Variants in CACNB2 observed in about 807,000 individuals in gnomAD.
CACNB2 encodes the protein voltage-dependent L-type calcium channel subunit beta-2.
A neutral mutation model predicts 73.3 loss-of-function variants in CACNB2; 42 were observed. That is an observed-to-expected ratio of 0.57 (90% CI 0.45 to 0.74). The LOEUF (loss-of-function observed/expected upper bound fraction) is 0.74. CACNB2 is among the 30% of genes least tolerant of loss of function. The pLI is 0.00. For synonymous variants in CACNB2, 348 were observed against 310.3 expected (o/e 1.12, Z -1.28); for missense variants, 940 against 853.0 (o/e 1.10, Z -1.27).
intron 2 of CACNB2, among the ~76,000 whole-genome samples, chr10:18,272,036 C>CT (rs969353552): frequency 1.1e-4 from 16 of 150,364 alleles, no homozygotes; most frequent in African/African-American, 2.7e-4. Context: ...TTTCTTTTTT[C>CT]TTTTTTTTTC....
At chr10:18,335,305 T>TA in intron 2 of CACNB2, among the ~76,000 whole-genome samples, 1 of 152,276 alleles carries the variant, frequency 6.6e-6, no homozygotes, top group East Asian at 1.9e-4. Flanking sequence ...CAGGGTGTGA[T>TA]GGCTCACACC....
chr10:18,228,936 T>C (rs2036122297), intron 2 of CACNB2, among the ~76,000 whole-genome samples: 1 of 152,098 alleles, frequency 6.6e-6, no homozygotes, highest in South Asian at 2.1e-4. Context: ...GAGATGGGGT[T>C]TCACCACGTG....
intron 2 of CACNB2, among the ~76,000 whole-genome samples, chr10:18,347,532 G>C (rs974422088): frequency 6.7e-6 from 1 of 149,004 alleles, no homozygotes; most frequent in African/African-American, 2.5e-5. Flanking sequence ...CTTAGTTTTT[G>C]AGCAAGTTGA....
At chr10:18,442,960 ATATATATATG>A (rs2046513908) in intron 3 of CACNB2, among the ~76,000 whole-genome samples, 1 of 30,806 alleles carries the variant, frequency 3.2e-5, no homozygotes, top group Non-Finnish European at 4.7e-5. Flanking sequence ...ATATATATGT[ATATATATATG>A]TGTATATATA....
At chr10:18,237,782 CA>C (rs1782484616) in intron 2 of CACNB2, among the ~76,000 whole-genome samples, 1 of 152,218 alleles carries the variant, frequency 6.6e-6, no homozygotes, top group South Asian at 2.1e-4. Context: ...ATATACCCAA[CA>C]GGGGTAATGG....
In CACNB2 at chr10:18,527,529, C is replaced by G. The variant is rs1299259613; in HGVS notation, c.945-59C>G. 27 of 1,063,976 alleles carry G rather than the reference C, an allele frequency of 2.5e-5. No homozygotes were observed. The Admixed American group carries it at 4.6e-4, about 18-fold the overall frequency. The allele number at this position is 1,063,976 out of a possible 1,614,324, so 65.9% of individuals were successfully genotyped here. ...TTAGATGAATTTGGGGCATACACTT[C>G]TATCCCCTTTGATTAGACCAATAAC... is the stretch of plus-strand genomic sequence containing the variant. On this transcript the variant is annotated intron_variant, in intron 9 of 13. Transcript: ENST00000324631.
chr10:18,303,306 C>T (rs1158415291), intron 2 of CACNB2, among the ~76,000 whole-genome samples: 2 of 152,132 alleles, frequency 1.3e-5, no homozygotes, highest in Non-Finnish European at 2.9e-5. Context: ...AGTTCAAGAA[C>T]AGCCTGGCCA....
intron 3 of CACNB2, among the ~76,000 whole-genome samples, chr10:18,423,986 T>A (rs1444346932): frequency 6.6e-6 from 1 of 151,908 alleles, no homozygotes; most frequent in Non-Finnish European, 1.5e-5. Flanking sequence ...GTCTTCTCAA[T>A]TTTTTTTGAA....
At chr10:18,240,358 C>A (rs2036600575) in intron 2 of CACNB2, among the ~76,000 whole-genome samples, 1 of 152,110 alleles carries the variant, frequency 6.6e-6, no homozygotes, top group Admixed American at 6.6e-5. Context: ...AAGTCTCATG[C>A]AGGTTGTGGA....
chr10:18,470,147 A>G (rs1252591282), intron 3 of CACNB2, among the ~76,000 whole-genome samples: 2 of 151,612 alleles, frequency 1.3e-5, no homozygotes, highest in Non-Finnish European at 2.9e-5. Context: ...AAAACCAGAT[A>G]ATTGCACTAG....
chr10:18,205,934 G>A (rs1002000449), intron 2 of CACNB2, among the ~76,000 whole-genome samples: 1 of 152,120 alleles, frequency 6.6e-6, no homozygotes, highest in Non-Finnish European at 1.5e-5. Flanking sequence ...TGGGTCCAGG[G>A]AGAGAGAATC....
chr10:18,469,577 C>G (rs1245424175), intron 3 of CACNB2, among the ~76,000 whole-genome samples: 1 of 152,140 alleles, frequency 6.6e-6, no homozygotes, highest in Non-Finnish European at 1.5e-5. Context: ...AAGTCTGACC[C>G]CTATGTGGGG....
rs1190484207 is a variant in CACNB2, at chr10:18,543,469, A to C, written c.*3745A>C. ...AAACATGACACAGGGTTTTAAAGTAAATGTACTCACTGTTGAACTTAAGTA... is the reference window on the plus strand; with the variant it reads ...AAACATGACACAGGGTTTTAAAGTACATGTACTCACTGTTGAACTTAAGTA... On this transcript the variant is annotated 3_prime_UTR_variant, in exon 14 of 14. Transcript: ENST00000324631. The C allele has an allele frequency of 6.6e-6, 1 of 152,202 alleles. No individual in the cohort carries two copies. Among genetic ancestry groups the C allele is most frequent in the East Asian group, 1.9e-4 (1 of 5,202 alleles). The allele number at this position is 152,202 out of a possible 1,614,324, so 9.4% of individuals were successfully genotyped here.
At chr10:18,349,870 T>G (rs1398307156) in intron 2 of CACNB2, among the ~76,000 whole-genome samples, 1 of 152,170 alleles carries the variant, frequency 6.6e-6, no homozygotes, top group East Asian at 1.9e-4. Flanking sequence ...ATGCTTAAAA[T>G]ACAATTTAAT....
intron 10 of CACNB2, among the ~76,000 whole-genome samples, chr10:18,528,281 G>A (rs1010112855): frequency 5.9e-5 from 9 of 152,156 alleles, no homozygotes; most frequent in African/African-American, 2.2e-4. Flanking sequence ...TAAAAACAGT[G>A]TAGGGAGTTA....
chr10:18,179,689 A>G (rs1315468261), intron 2 of CACNB2, among the ~76,000 whole-genome samples: 4 of 151,486 alleles, frequency 2.6e-5, no homozygotes, highest in Non-Finnish European at 5.9e-5. Flanking sequence ...TTTTTGTATG[A>G]TGCCTGATTG....
intron 3 of CACNB2, among the ~76,000 whole-genome samples, chr10:18,435,650 T>C (rs760689462): frequency 2.0e-5 from 3 of 151,886 alleles, no homozygotes; most frequent in Non-Finnish European, 4.4e-5. Context: ...AGGCACACAC[T>C]ACCATATCCA....
chr10:18,427,024 C>T (rs1222294806), intron 3 of CACNB2, among the ~76,000 whole-genome samples: 3 of 125,482 alleles, frequency 2.4e-5, no homozygotes, highest in African/African-American at 6.3e-5. Context: ...GGTGCGATCT[C>T]GGCTCACGGC....
At chr10:18,150,855 C>CTTTTTTTTTTTTTTTTTTTGTTTTTT in intron 1 of CACNB2, 28 bp from the exon 2 acceptor site, 1 of 483,392 alleles carries the variant, frequency 2.1e-6, no homozygotes, top group Non-Finnish European at 3.1e-6. Flanking sequence ...TCTTATTTGT[C>CTTTTTTTTTTTTTTTTTTTGTTTTTT]TTTTTTTTTT....
Sources: allele counts gnomAD v4.1 joint callset (sites outside exome capture counted in the v4.1 genomes callset), GRCh38; gene constraint gnomAD v4.1.1; transcripts MANE v1.5; gene names NCBI Gene and HGNC (gene_info 2026-07-23, HGNC 2026-07-21).